The following RBPJ variants were observed in gnomAD, a reference collection of about 807,000 sequenced individuals.
The protein encoded by RBPJ is recombining binding protein suppressor of hairless.
RBPJ carries 9 observed loss-of-function variants against 67.8 expected under a neutral mutation model. The ratio of observed to expected loss-of-function variants is 0.13; its 90% CI spans 0.08 to 0.23. RBPJ has a LOEUF of 0.23. Among genes scored for constraint, RBPJ ranks in the 10% least tolerant of loss-of-function variants. The pLI is 1.00. For missense variants in RBPJ, 305 were observed against 595.6 expected (o/e 0.51, Z 5.08); for synonymous variants, 198 against 203.3 (o/e 0.97, Z 0.22).
chr4:26,399,655 A>G (rs1732556244), intron 2 of RBPJ, among the ~76,000 whole-genome samples: 1 of 152,136 alleles, frequency 6.6e-6, no homozygotes, highest in African/African-American at 2.4e-5. Flanking sequence ...ATTTCATGTT[A>G]GTAAAATTAT....
chr4:26,414,667 A>G (rs1734383676), intron 3 of RBPJ, among the ~76,000 whole-genome samples: 1 of 152,226 alleles, frequency 6.6e-6, no homozygotes. Flanking sequence ...ACTATGTAAA[A>G]TATGAGCCTT....
chr4:26,204,913 A>T (rs1056456566), intron 1 of RBPJ, among the ~76,000 whole-genome samples: 1 of 152,174 alleles, frequency 6.6e-6, no homozygotes, highest in Non-Finnish European at 1.5e-5. Flanking sequence ...CACCCCCTGC[A>T]CTCATTTCAC....
At chr4:26,418,589 C>G (rs1426396921) in intron 4 of RBPJ, among the ~76,000 whole-genome samples, 1 of 150,918 alleles carries the variant, frequency 6.6e-6, no homozygotes, top group African/African-American at 2.5e-5. Context: ...TTTTTCCGTT[C>G]TTGTTTGCCA....
intron 1 of RBPJ, among the ~76,000 whole-genome samples, chr4:26,230,721 C>T (rs1719248994): frequency 6.6e-6 from 1 of 152,130 alleles, no homozygotes; most frequent in Non-Finnish European, 1.5e-5. Context: ...CCTTACAAAT[C>T]AGTTCAGTTC....
upstream of RBPJ, among the ~76,000 whole-genome samples, chr4:26,320,222 G>T (rs910613887): frequency 6.6e-6 from 1 of 152,248 alleles, no homozygotes; most frequent in Non-Finnish European, 1.5e-5. Context: ...CTTCTGGAGA[G>T]AACTACTCCG....
the RBPJ span, among the ~76,000 whole-genome samples, chr4:26,149,831 T>C: frequency 1.3e-5 from 2 of 152,250 alleles, no homozygotes; most frequent in East Asian, 3.8e-4. Flanking sequence ...TTTGCCACAC[T>C]GGTGGCCAAT....
chr4:26,236,293 AATACTAATAGT>A (rs965161895), intron 1 of RBPJ, among the ~76,000 whole-genome samples: 7 of 152,324 alleles, frequency 4.6e-5, no homozygotes, highest in Admixed American at 4.6e-4. Flanking sequence ...AAAAATGGGG[AATACTAATAGT>A]ATCTGTAGTC....
At chr4:26,257,455 C>A (rs1720377884) in intron 1 of RBPJ, among the ~76,000 whole-genome samples, 2 of 152,140 alleles carry the variant, frequency 1.3e-5, no homozygotes, top group South Asian at 2.1e-4. Context: ...CATGGAGAAA[C>A]CCCATCTCTA....
At chr4:26,354,064 G>A (rs1357694489) in intron 1 of RBPJ, among the ~76,000 whole-genome samples, 2 of 151,984 alleles carry the variant, frequency 1.3e-5, no homozygotes, top group Non-Finnish European at 2.9e-5. Flanking sequence ...CCGAGTAGCT[G>A]GGACTACAGG....
chr4:26,200,671 G>GAA (rs5856934), intron 1 of RBPJ, among the ~76,000 whole-genome samples: 8 of 149,604 alleles, frequency 5.3e-5, no homozygotes, highest in East Asian at 3.9e-4. Flanking sequence ...AAAAAAAAAA[G>GAA]AAAAAAAAAC....
At chr4:26,282,130 CTCTCTCTTTT>C (rs1257803172) in intron 1 of RBPJ, among the ~76,000 whole-genome samples, 3 of 75,620 alleles carry the variant, frequency 4.0e-5, no homozygotes, top group Non-Finnish European at 8.9e-5. Context: ...AATCCTCTCT[CTCTCTCTTTT>C]TTTTTTTTTT....
At position 26,258,341 on chromosome 4, in the gene RBPJ, A is replaced by G. The variant is rs184615147; in HGVS notation, c.-167+94727A>G. On this transcript the variant is annotated intron_variant, in intron 1 of 4. Coordinates refer to the RBPJ transcript ENST00000512351. ...CTTCTTCACCTCTGTATTTTCCACT[A>G]TGTATTTTCTGTAGGGCTCACAATC... is the stretch of plus-strand genomic sequence containing the variant. 6.2e-3 allele frequency among the ~76,000 whole-genome samples: 945 copies of G among 152,196 alleles called. 5 individuals carry two copies. The highest frequency in any genetic ancestry group is 0.014 in the Middle Eastern group (4 of 294).
the RBPJ span, among the ~76,000 whole-genome samples, chr4:26,153,652 T>C: frequency 2.0e-5 from 3 of 152,198 alleles, no homozygotes; most frequent in East Asian, 5.8e-4. Context: ...TAAGCTGACA[T>C]GATTTCTTGT....
chr4:26,328,199 T>G (rs1331773426), intron 1 of RBPJ, among the ~76,000 whole-genome samples: 3 of 151,932 alleles, frequency 2.0e-5, no homozygotes. Flanking sequence ...CCATTTGGAG[T>G]AAGCAGAAAC....
intron 1 of RBPJ, among the ~76,000 whole-genome samples, chr4:26,243,901 C>A (rs1719731811): frequency 6.6e-6 from 1 of 151,958 alleles, no homozygotes; most frequent in Admixed American, 6.6e-5. Flanking sequence ...TCAAGACCAG[C>A]CTGGGTGACA....
At chr4:26,349,324 A>G (rs150498870) in intron 1 of RBPJ, among the ~76,000 whole-genome samples, 1,741 of 152,246 alleles carry the variant, frequency 0.011, 39 homozygotes, top group African/African-American at 0.039. Flanking sequence ...CTCCCACCTC[A>G]GCGTCCCAAA....
intron 2 of RBPJ, among the ~76,000 whole-genome samples, chr4:26,388,506 G>A (rs1731149156): frequency 6.6e-6 from 1 of 152,148 alleles, no homozygotes; most frequent in Non-Finnish European, 1.5e-5. Flanking sequence ...AGCTTTATTT[G>A]TAAAATGGGT....
At chr4:26,273,732 G>A (rs901526622) in intron 1 of RBPJ, among the ~76,000 whole-genome samples, 5 of 152,200 alleles carry the variant, frequency 3.3e-5, no homozygotes, top group African/African-American at 1.2e-4. Context: ...GAAGAAGTGG[G>A]GAAGTGGGAG....
intron 1 of RBPJ, among the ~76,000 whole-genome samples, chr4:26,353,297 A>G (rs1726996338): frequency 6.6e-6 from 1 of 152,244 alleles, no homozygotes; most frequent in Admixed American, 6.5e-5. Flanking sequence ...CAGCAAGGAA[A>G]CATACATTGT....
Sources: gnomAD v4.1 joint callset for allele counts (sites outside exome capture counted in the v4.1 genomes callset) on GRCh38, gnomAD v4.1.1 for gene constraint, MANE v1.5 for transcripts, NCBI Gene and HGNC (gene_info 2026-07-23, HGNC 2026-07-21) for gene names.